USP29: variants seen among roughly 807,000 people sequenced by gnomAD.
The protein encoded by USP29 is ubiquitin specific peptidase 29.
For synonymous variants in USP29, 386 were observed against 387.4 expected (o/e 1.00, Z 0.04); for missense variants, 1,102 against 1,069.0 (o/e 1.03, Z -0.43).
At position 57,129,977 on chromosome 19, in the gene USP29, C is replaced by G; in HGVS notation, c.1302C>G (p.Leu434=). ...VVANFEFELQ[L]SLICKACGHA... Reference sequence around the variant, plus strand: ...CTAATTTTGAGTTTGAATTGCAGCTCTCCCTTATTTGTAAAGCTTGTGGTC... The same window carrying G: ...CTAATTTTGAGTTTGAATTGCAGCTGTCCCTTATTTGTAAAGCTTGTGGTC... The change falls in exon 4 of 4, where the codon CTC becomes CTG. Residue 434 remains leucine, a synonymous_variant. Coordinates refer to ENST00000254181, the MANE Select transcript of USP29 (RefSeq NM_020903.3). 6.2e-7 allele frequency: 1 copy of G among 1,614,154 alleles called. No individual in the cohort carries two copies. Among genetic ancestry groups the G allele is most frequent in the Non-Finnish European group, 8.5e-7 (1 of 1,180,034 alleles).
chr19:57,123,325 C>T (rs2086807561), intron 2 of USP29, among the ~76,000 whole-genome samples: 1 of 152,154 alleles, frequency 6.6e-6, no homozygotes, highest in South Asian at 2.1e-4. Context: ...AACTCCCTTC[C>T]CTCCCATGAT....
intron 2 of USP29, among the ~76,000 whole-genome samples, chr19:57,123,538 G>C (rs10414335): frequency 1.3e-5 from 2 of 151,992 alleles, no homozygotes; most frequent in East Asian, 1.9e-4. Context: ...CTTAGTGTTA[G>C]AAAAGCAGTA....
rs777494963 is a variant in USP29, at chr19:57,130,645, T to C, written c.1970T>C (p.Ile657Thr). 3.1e-6 allele frequency: 5 copies of C among 1,614,136 alleles called. No homozygotes were observed. In the South Asian group the frequency reaches 5.5e-5, roughly 18 times the overall value. The change falls in exon 4 of 4, where the codon ATT becomes ACT. Residue 657 changes from isoleucine (I) to threonine (T), a missense_variant. Physicochemically the swap from Ile to Thr is moderately conservative, Grantham distance 89 (BLOSUM62 -1). Coordinates refer to ENST00000254181, the MANE Select transcript of USP29 (RefSeq NM_020903.3). ...GACTCACTGATGGACCAGGGAGACA[T>C]TTCTCTTCCTGTGATGTATGAAGAT... is the stretch of plus-strand genomic sequence containing the variant. Reference protein sequence around the residue: ...VADSLMDQGDISLPVMYEDGG... With the variant: ...VADSLMDQGDTSLPVMYEDGG...
chr19:57,126,963 A>C (rs1270883429), intron 3 of USP29, among the ~76,000 whole-genome samples: 1 of 151,634 alleles, frequency 6.6e-6, no homozygotes, highest in Non-Finnish European at 1.5e-5. Flanking sequence ...TTTTTTGTTG[A>C]TGTTGATGTT....
At position 57,131,352 on chromosome 19, in the gene USP29, A is replaced by G. The variant is rs200838388; in HGVS notation, c.2677A>G (p.Arg893Gly). 1.0e-4 allele frequency: 169 copies of G among 1,614,098 alleles called. No individual in the cohort carries two copies. The highest frequency in any genetic ancestry group is 1.4e-4 in the Non-Finnish European group (164 of 1,180,054). Residue 893 changes from arginine to glycine, a missense_variant, in exon 4 of 4, where the codon AGA becomes GGA. Physicochemically the swap from Arg to Gly is moderately radical, Grantham distance 125. Coordinates refer to ENST00000254181, the MANE Select transcript of USP29 (RefSeq NM_020903.3). ...MHNGIFEELLRKAENSRLPST... is the reference protein window; with the variant it reads ...MHNGIFEELLGKAENSRLPST... Reference sequence around the variant, plus strand: ...CAATGGGATTTTTGAGGAGCTGTTAAGAAAAGCAGAGAACTCTCGGCTACC... The same window carrying G: ...CAATGGGATTTTTGAGGAGCTGTTAGGAAAAGCAGAGAACTCTCGGCTACC...
chr19:57,130,658 G>C lies in USP29; in HGVS notation c.1983G>C (p.Val661=). The C allele has an allele frequency of 6.2e-7, 1 of 1,614,158 alleles. No individual in the cohort carries two copies. The highest frequency in any genetic ancestry group is 8.5e-7 in the Non-Finnish European group (1 of 1,180,030). Residue 661 remains valine, a synonymous_variant, in exon 4 of 4, where the codon GTG becomes GTC. Coordinates refer to ENST00000254181, the MANE Select transcript of USP29 (RefSeq NM_020903.3). ...ACCAGGGAGACATTTCTCTTCCTGTGATGTATGAAGATGGAGGGAAGCTGA... is the reference window on the plus strand; with the variant it reads ...ACCAGGGAGACATTTCTCTTCCTGTCATGTATGAAGATGGAGGGAAGCTGA... ...LMDQGDISLP[V]MYEDGGKLIS...
Position 57,128,949 on chromosome 19 carries a change from G to A in USP29, c.274G>A (p.Ala92Thr), listed in dbSNP as rs780702815. The A allele has an allele frequency of 3.1e-6, 5 of 1,614,030 alleles. No homozygotes were observed. In the South Asian group the frequency reaches 5.5e-5, roughly 18 times the overall value. Residue 92 changes from alanine (A) to threonine (T), a missense_variant, in exon 4 of 4, where the codon GCT (alanine) becomes ACT (threonine). Transcript: ENST00000254181. ...LFIDKLSYRD[A>T]KQLNMFLDII... ...TATTGACAAATTATCCTACAGAGAT[G>A]CTAAACAGTTGAATATGTTCCTGGA...
chr19:57,121,595 C>T (rs2086797332), intron 1 of USP29, among the ~76,000 whole-genome samples: 1 of 144,544 alleles, frequency 6.9e-6, no homozygotes, highest in African/African-American at 2.5e-5. Context: ...GTTATATATA[C>T]TTATATATGT....
chr19:57,119,972 T>C (rs1246042430), upstream of USP29: 6 of 152,312 alleles, frequency 3.9e-5, no homozygotes, highest in African/African-American at 1.4e-4. Context: ...AGACGCAGCG[T>C]GCTGTGCCCA....
At chr19:57,128,588 G>A (rs2086835508) in intron 3 of USP29, 72 bp from the exon 4 acceptor site, 1 of 1,374,908 alleles carries the variant, frequency 7.3e-7, no homozygotes, top group African/African-American at 1.5e-5. Flanking sequence ...ATTATATGTG[G>A]ATGAGGTTTT....
Position 57,129,422 on chromosome 19 carries a change from T to G in USP29, c.747T>G (p.Asn249Lys). ...DETVLATQTL[N>K]AKNGLTSPLE... ...CTGTTCTTGCAACCCAGACTCTCAA[T>G]GCCAAAAATGGTTTGACATCTCCAT... Residue 249 changes from asparagine to lysine, a missense_variant, in exon 4 of 4, where the codon AAT (asparagine) becomes AAG (lysine). Asn to Lys is a moderately conservative substitution (Grantham distance 94). Coordinates refer to ENST00000254181, the MANE Select transcript of USP29 (RefSeq NM_020903.3). 1 of 1,614,200 alleles carries G rather than the reference T, an allele frequency of 6.2e-7. No homozygotes were observed. The highest frequency in any genetic ancestry group is 8.5e-7 in the Non-Finnish European group (1 of 1,180,048).
intron 3 of USP29, among the ~76,000 whole-genome samples, chr19:57,126,490 G>A (rs550934796): frequency 5.9e-4 from 90 of 151,632 alleles, no homozygotes; most frequent in African/African-American, 2.1e-3. Context: ...TTGTCTTCAC[G>A]CCTTATTTCA....
Position 57,131,452 on chromosome 19 carries a change from A to G in USP29, c.*8A>G. ...TTGTACAGACCTGCTTGACAGACTC[A>G]CTCGGCCTCACTTCATCCTTGCAAA... is the stretch of plus-strand genomic sequence containing the variant. On this transcript the variant is annotated 3_prime_UTR_variant, in exon 4 of 4. Coordinates refer to ENST00000254181, the MANE Select transcript of USP29 (RefSeq NM_020903.3). The G allele has an allele frequency of 6.3e-7, 1 of 1,589,814 alleles. No homozygotes were observed. Among genetic ancestry groups the G allele is most frequent in the African/African-American group, 1.3e-5 (1 of 74,252 alleles).
intron 2 of USP29, 40 bp downstream of exon 2, chr19:57,122,514 T>TGA (rs1491165779): frequency 2.0e-3 from 15 of 7,320 alleles, no homozygotes; most frequent in African/African-American, 4.9e-3. Context: ...GGTGATGGGA[T>TGA]GTGTGTGTGT....
In USP29 at chr19:57,129,890, T is replaced by C. The variant is rs768487877; in HGVS notation, c.1215T>C (p.Asn405=). ...LNTGKECGDE[N]SSPQMHVGSA... is the part of the protein sequence containing the mutation. ...CTGGGAAAGAATGTGGGGATGAAAA[T>C]TCATCTCCACAAATGCATGTTGGTA... The change falls in exon 4 of 4, where the codon AAT becomes AAC. Residue 405 remains asparagine, a synonymous_variant. Coordinates refer to ENST00000254181, the MANE Select transcript of USP29 (RefSeq NM_020903.3). 13 of 1,614,092 alleles carry C rather than the reference T, an allele frequency of 8.1e-6. No homozygotes were observed. The South Asian group carries it at 1.3e-4, about 16-fold the overall frequency.
upstream of USP29, chr19:57,119,913 A>C (rs974788604): frequency 6.6e-6 from 1 of 152,298 alleles, no homozygotes; most frequent in African/African-American, 2.4e-5. Flanking sequence ...GCCACGCTAG[A>C]GCCCGTACCT....
chr19:57,120,833 G>A (rs973170326), intron 1 of USP29, among the ~76,000 whole-genome samples: 5 of 146,562 alleles, frequency 3.4e-5, no homozygotes, highest in South Asian at 4.3e-4. Context: ...GGCCGGGCAC[G>A]GTGGCTCACT....
chr19:57,131,057 C>G lies in USP29; in HGVS notation c.2382C>G (p.Asn794Lys). 1 of 1,614,002 alleles carries G rather than the reference C, an allele frequency of 6.2e-7. No homozygotes were observed. Among genetic ancestry groups the G allele is most frequent in the South Asian group, 1.1e-5 (1 of 91,054 alleles). ...LGALGSDNPG[N>K]KNILDAENTR... ...CACTGGGTTCTGACAACCCAGGAAA[C>G]AAAAACATTTTAGATGCAGAGAACA... Residue 794 changes from asparagine (N) to lysine (K), a missense_variant, in exon 4 of 4, where the codon AAC becomes AAG. Physicochemically the swap from Asn to Lys is moderately conservative, Grantham distance 94 (BLOSUM62 0). Coordinates refer to ENST00000254181, the MANE Select transcript of USP29 (RefSeq NM_020903.3).
At position 57,129,660 on chromosome 19, in the gene USP29, A is replaced by G. The variant is rs2086844304; in HGVS notation, c.985A>G (p.Ile329Val). 1.2e-6 allele frequency: 2 copies of G among 1,614,102 alleles called. No individual in the cohort carries two copies. Among genetic ancestry groups the G allele is most frequent in the East Asian group, 2.2e-5 (1 of 44,892 alleles). The change falls in exon 4 of 4, where the codon ATT becomes GTT. Residue 329 changes from isoleucine to valine, a missense_variant. Transcript: ENST00000254181. Reference sequence around the variant, plus strand: ...GGAATATATTCCCTTTGAGGCTCTTATTATGACCTTGACCCAGCTGCTTGC... The same window carrying G: ...GGAATATATTCCCTTTGAGGCTCTTGTTATGACCTTGACCCAGCTGCTTGC... ...PWEYIPFEAL[I>V]MTLTQLLALK... is the part of the protein sequence containing the mutation.
Sources: allele counts gnomAD v4.1 joint callset (sites outside exome capture counted in the v4.1 genomes callset), GRCh38; gene constraint gnomAD v4.1.1; transcripts MANE v1.5; gene names NCBI Gene and HGNC (gene_info 2026-07-23, HGNC 2026-07-21).